ARHGEF7: variants seen among roughly 807,000 people sequenced by gnomAD.
ARHGEF7 encodes Rho guanine nucleotide exchange factor 7.
Under a neutral mutation model 109.8 loss-of-function variants are expected in ARHGEF7, and 33 were observed. That is an observed-to-expected ratio of 0.30 (90% confidence interval 0.23 to 0.40). The LOEUF is 0.40. ARHGEF7 is among the 10% of genes least tolerant of loss of function. The pLI, the probability that ARHGEF7 is intolerant of heterozygous loss-of-function variation, is 1.00. For missense variants in ARHGEF7, 938 were observed against 1,098.5 expected (o/e 0.85, Z 2.07); for synonymous variants, 458 against 424.6 (o/e 1.08, Z -0.97).
At chr13:111,184,471 GCA>G in intron 2 of ARHGEF7, among the ~76,000 whole-genome samples, 1 of 152,204 alleles carries the variant, frequency 6.6e-6, no homozygotes, top group Non-Finnish European at 1.5e-5. Context: ...GGCTTGTTTA[GCA>G]CTCAGTTTGG....
chr13:111,228,762 T>A lies in ARHGEF7; in HGVS notation c.671-4443T>A, dbSNP rs906219306. On this transcript the variant is annotated intron_variant, in intron 5 of 21. Coordinates refer to ENST00000646102, the MANE Select transcript of ARHGEF7 (RefSeq NM_001354046.2). This position sits in a 1 kb window ranked among gnomAD's most constrained non-coding sequence, Gnocchi z 4.6. The stretch of plus-strand genomic sequence containing the variant: ...ATTGACTCTGTGAACTCTGAGTGCG[T>A]GAGTAACAGCCAACAAACCACGCAC... 6.6e-6 allele frequency among the ~76,000 whole-genome samples: 1 copy of A among 151,984 alleles called. No homozygotes were observed. The highest frequency in any genetic ancestry group is 2.4e-5 in the African/African-American group (1 of 41,488).
chr13:111,196,189 T>C (rs1157286659), intron 2 of ARHGEF7, among the ~76,000 whole-genome samples: 1 of 152,212 alleles, frequency 6.6e-6, no homozygotes, highest in Admixed American at 6.5e-5. Context: ...ATGGGCTTTT[T>C]CCTAACTCTC....
chr13:111,281,856 G>A (rs2092795643), intron 15 of ARHGEF7, among the ~76,000 whole-genome samples: 1 of 152,194 alleles, frequency 6.6e-6, no homozygotes, highest in Admixed American at 6.5e-5. Flanking sequence ...TGTTTAAAAT[G>A]TTCTGCATTC....
In ARHGEF7 at chr13:111,258,575, A is replaced by G. The variant is rs1412458528; in HGVS notation, c.951-8973A>G. ...AAGAGTCCTTGGGCCCTGAGTAATC[A>G]GCAGTGGTACCCAGGCAGAACTCAC... is the stretch of plus-strand genomic sequence containing the variant. On this transcript the variant is annotated intron_variant, in intron 8 of 21. Transcript: ENST00000646102. This position sits in a 1 kb window ranked among gnomAD's most constrained non-coding sequence, Gnocchi z 4.4. Among the ~76,000 whole-genome samples, 1 of 152,208 alleles carries G rather than the reference A, an allele frequency of 6.6e-6. No homozygotes were observed. Among genetic ancestry groups the G allele is most frequent in the Non-Finnish European group, 1.5e-5 (1 of 68,024 alleles).
rs1204981772 is a variant in ARHGEF7 at position 111,221,467 on chromosome 13, A to G, written c.670+3587A>G. Among the ~76,000 whole-genome samples the G allele has an allele frequency of 8.7e-5, 8 of 92,248 alleles. 1 individual carries two copies. Among genetic ancestry groups the G allele is most frequent in the Non-Finnish European group, 1.0e-4 (5 of 48,522 alleles). 60.5% of individuals were successfully genotyped at this position (92,248 alleles called of 152,430 possible). A position where few individuals can be genotyped will look rare whatever the true frequency, so the allele number is the denominator to read the frequency against. On this transcript the variant is annotated intron_variant, in intron 5 of 21. Coordinates refer to ENST00000646102, the MANE Select transcript of ARHGEF7 (RefSeq NM_001354046.2). ...TATCTATATATATAGATATATAGAC[A>G]TCTATATATATAGATATATATAGAC...
At chr13:111,236,981 C>A (rs772014893) in intron 6 of ARHGEF7, among the ~76,000 whole-genome samples, 120 of 152,282 alleles carry the variant, frequency 7.9e-4, no homozygotes, top group East Asian at 7.7e-4. Context: ...AACCAAAAAA[C>A]ACCTCTGACG....
At chr13:111,116,336 G>C (rs1174369503) in intron 1 of ARHGEF7, 1 of 152,616 alleles carries the variant, frequency 6.6e-6, no homozygotes, top group Non-Finnish European at 1.5e-5. Context: ...TCCCTCCCTC[G>C]TTCTGAACAG....
chr13:111,162,037 T>C (rs2153395743), intron 2 of ARHGEF7, among the ~76,000 whole-genome samples: 1 of 152,362 alleles, frequency 6.6e-6, no homozygotes, highest in East Asian at 1.9e-4. Context: ...ACAAATTCCC[T>C]GATAGGGCAC....
At chr13:111,189,955 A>G (rs989518884) in intron 2 of ARHGEF7, among the ~76,000 whole-genome samples, 11 of 152,284 alleles carry the variant, frequency 7.2e-5, no homozygotes, top group African/African-American at 2.6e-4. Context: ...CGCCCTCTAA[A>G]TAGGAGACTC....
At chr13:111,117,097 T>C (rs2066841556) in intron 1 of ARHGEF7, among the ~76,000 whole-genome samples, 1 of 152,208 alleles carries the variant, frequency 6.6e-6, no homozygotes, top group South Asian at 2.1e-4. Flanking sequence ...TGAAAAGTGT[T>C]GAAATGCATG....
intron 5 of ARHGEF7, among the ~76,000 whole-genome samples, chr13:111,229,430 A>T (rs2085709989): frequency 6.6e-6 from 1 of 151,938 alleles, no homozygotes; most frequent in Non-Finnish European, 1.5e-5. Flanking sequence ...TAGTGACCAT[A>T]TTTATTTGTA....
intron 3 of ARHGEF7, among the ~76,000 whole-genome samples, chr13:111,206,142 T>C (rs2081808484): frequency 6.6e-6 from 1 of 151,716 alleles, no homozygotes; most frequent in African/African-American, 2.4e-5. Flanking sequence ...AAATATCAGG[T>C]TTGTGGGGGA....
At chr13:111,141,135 T>TAAGA (rs1439378435) in intron 1 of ARHGEF7, among the ~76,000 whole-genome samples, 2 of 152,318 alleles carry the variant, frequency 1.3e-5, no homozygotes, top group East Asian at 3.9e-4. Flanking sequence ...TTACAATTGA[T>TAAGA]AAGATGATAC....
chr13:111,156,125 AC>A (rs1400926101), intron 2 of ARHGEF7, among the ~76,000 whole-genome samples: 5 of 151,366 alleles, frequency 3.3e-5, no homozygotes, highest in South Asian at 4.2e-4. Context: ...TTAAAAACTT[AC>A]CGTTTTTAGT....
At chr13:111,171,762 A>G (rs1594249140) in intron 2 of ARHGEF7, among the ~76,000 whole-genome samples, 1 of 152,206 alleles carries the variant, frequency 6.6e-6, no homozygotes, top group South Asian at 2.1e-4. Flanking sequence ...TCTCCTCCCC[A>G]AATTCCCATG....
intron 2 of ARHGEF7, among the ~76,000 whole-genome samples, chr13:111,160,881 T>C (rs1341805712): frequency 6.6e-6 from 1 of 152,244 alleles, no homozygotes; most frequent in Non-Finnish European, 1.5e-5. Flanking sequence ...TCACCAGCCA[T>C]GTGGAACTGT....
Position 111,167,778 on chromosome 13 carries a change from AGGAAC to A in ARHGEF7, c.252+13788_252+13792del, listed in dbSNP as rs771094045. Among the ~76,000 whole-genome samples, 16 of 152,332 alleles carry A rather than the reference AGGAAC, an allele frequency of 1.1e-4. No homozygotes were observed. The South Asian group carries it at 1.9e-3, about 18-fold the overall frequency. On this transcript the variant is annotated intron_variant, in intron 2 of 21. Coordinates refer to ENST00000646102, the MANE Select transcript of ARHGEF7 (RefSeq NM_001354046.2). ...CTGAGGCACACACGGACTCTTTTTC[AGGAAC>A]TGAGGCCATGCTAGGAATGCTCTTG...
intron 19 of ARHGEF7, chr13:111,294,900 A>T (rs1299897257): frequency 1.0e-6 from 1 of 985,774 alleles, no homozygotes; most frequent in Non-Finnish European, 1.2e-6. Flanking sequence ...CAAGTATATA[A>T]TAAGCTATAT....
At chr13:111,133,613 CT>C (rs1028858765) in intron 1 of ARHGEF7, among the ~76,000 whole-genome samples, 1 of 149,192 alleles carries the variant, frequency 6.7e-6, no homozygotes, top group Non-Finnish European at 1.5e-5. Flanking sequence ...GTTCTTCCAT[CT>C]TTTTTTTCTT....
Sources: allele counts gnomAD v4.1 joint callset (sites outside exome capture counted in the v4.1 genomes callset), GRCh38; gene constraint gnomAD v4.1.1; non-coding constraint Gnocchi (gnomAD v3.1); transcripts MANE v1.5; gene names NCBI Gene and HGNC (gene_info 2026-07-23, HGNC 2026-07-21).